Variants in PXMP4 observed in about 807,000 individuals in gnomAD.
PXMP4 encodes the protein 24 kDa peroxisomal intrinsic membrane protein.
PXMP4 carries 16 observed loss-of-function variants against 21.6 expected under a neutral mutation model. That is an observed-to-expected ratio of 0.74 (90% confidence interval 0.50 to 1.13). PXMP4 has a LOEUF of 1.13. Ranked by LOEUF, PXMP4 falls within the 50% of genes most tolerant of loss-of-function variation. The pLI is 0.00. For synonymous variants in PXMP4, 127 were observed against 123.8 expected, an observed-to-expected ratio of 1.03 and a Z score of -0.17; for missense variants, 240 against 277.7, an observed-to-expected ratio of 0.86 and a Z score of 0.96.
intron 2 of PXMP4, among the ~76,000 whole-genome samples, chr20:33,714,249 T>C (rs891344241): frequency 1.3e-5 from 2 of 152,038 alleles, no homozygotes; most frequent in African/African-American, 2.4e-5. Context: ...AGTTGGACTT[T>C]AGGGCCGGGC....
chr20:33,717,736 C>A (rs1250934445), intron 1 of PXMP4, among the ~76,000 whole-genome samples: 2 of 151,778 alleles, frequency 1.3e-5, no homozygotes, highest in Non-Finnish European at 1.5e-5. Context: ...CCCCACCCTT[C>A]CTTTCCCCTC....
chr20:33,714,765 T>A, intron 1 of PXMP4, 29 bp from the exon 2 acceptor site: 1 of 1,607,576 alleles, frequency 6.2e-7, no homozygotes, highest in Non-Finnish European at 8.5e-7. Flanking sequence ...ACAGTTACTA[T>A]AATGTCACTG....
intron 2 of PXMP4, among the ~76,000 whole-genome samples, chr20:33,711,040 CTTGT>C (rs1258856400): frequency 1.1e-4 from 17 of 152,198 alleles, no homozygotes; most frequent in African/African-American, 3.9e-4. Flanking sequence ...CATTTATGTG[CTTGT>C]TTATTATCTT....
At chr20:33,716,705 G>A (rs999874006) in intron 1 of PXMP4, among the ~76,000 whole-genome samples, 6 of 152,258 alleles carry the variant, frequency 3.9e-5, no homozygotes, top group Admixed American at 1.3e-4. Flanking sequence ...CATATAACAT[G>A]TGCTTGATAA....
intron 2 of PXMP4, among the ~76,000 whole-genome samples, chr20:33,711,446 G>A (rs1372656655): frequency 6.6e-6 from 1 of 152,152 alleles, no homozygotes; most frequent in African/African-American, 2.4e-5. Context: ...AAGCCACCGT[G>A]GCCATGGGCA....
At chr20:33,717,457 G>C (rs1265190598) in intron 1 of PXMP4, among the ~76,000 whole-genome samples, 2 of 150,588 alleles carry the variant, frequency 1.3e-5, no homozygotes, top group Non-Finnish European at 3.0e-5. Context: ...CGGCTAAAAC[G>C]GTGAAACCCC....
chr20:33,720,072 C>A, intron 1 of PXMP4, 23 bp downstream of exon 1: 1 of 1,609,172 alleles, frequency 6.2e-7, no homozygotes, highest in Non-Finnish European at 8.5e-7. Flanking sequence ...TCAGCCCCAG[C>A]CCGGCCCGAC....
intron 1 of PXMP4, among the ~76,000 whole-genome samples, chr20:33,717,964 G>A (rs1324801979): frequency 2.0e-5 from 3 of 152,036 alleles, no homozygotes; most frequent in African/African-American, 2.4e-5. Flanking sequence ...TGGCAGTTAC[G>A]CACATATAAA....
chr20:33,713,833 A>G (rs1334865441), intron 2 of PXMP4, among the ~76,000 whole-genome samples: 4 of 152,250 alleles, frequency 2.6e-5, no homozygotes, highest in African/African-American at 9.6e-5. Context: ...GCCTATATGC[A>G]TTAAACACTA....
chr20:33,707,547 C>G lies in PXMP4; in HGVS notation c.*159G>C. The G allele has an allele frequency of 9.4e-7, 1 of 1,060,912 alleles. No homozygotes were observed. The highest frequency in any genetic ancestry group is 1.3e-6 in the Non-Finnish European group (1 of 749,666). The allele number at this position is 1,060,912 out of a possible 1,614,324, so 65.7% of individuals were successfully genotyped here. A position where few individuals can be genotyped will look rare whatever the true frequency, so the allele number is the denominator to read the frequency against. ...CACTTGTGCCACCATACAAAGGTAC[C>G]CACTGGGATTTTAAAATCAGTGTTT... On this transcript the variant is annotated 3_prime_UTR_variant, in exon 4 of 4. Coordinates refer to ENST00000409299, the MANE Select transcript of PXMP4 (RefSeq NM_007238.5).
In PXMP4 at chr20:33,703,226, G is replaced by GGT. The variant is rs1380398919; in HGVS notation, c.*4478_*4479dup. On this transcript the variant is annotated 3_prime_UTR_variant, in exon 4 of 4. Transcript: ENST00000409299. Reference sequence around the variant, plus strand: ...TGGGGGCAGGACAGGCTAAAAGCAGGGTGTGCTCAGTCCTCAGGGGCACAC... The same window carrying GGT: ...TGGGGGCAGGACAGGCTAAAAGCAGGGTGTGTGCTCAGTCCTCAGGGGCACAC... The GGT allele has an allele frequency of 6.6e-6, 1 of 152,214 alleles. No individual in the cohort carries two copies. Among genetic ancestry groups the GGT allele is most frequent in the Non-Finnish European group, 1.5e-5 (1 of 68,062 alleles). The allele number at this position is 152,214 out of a possible 1,614,324, so 9.4% of individuals were successfully genotyped here.
intron 2 of PXMP4, among the ~76,000 whole-genome samples, chr20:33,713,031 G>C (rs935455393): frequency 6.6e-6 from 1 of 152,200 alleles, no homozygotes; most frequent in Non-Finnish European, 1.5e-5. Flanking sequence ...CAAAATGTTG[G>C]GATTATAGGC....
Position 33,707,821 on chromosome 20 carries a change from C to T in PXMP4, c.524G>A (p.Arg175Gln), listed in dbSNP as rs182672515. 5.0e-6 allele frequency: 8 copies of T among 1,614,160 alleles called. No individual in the cohort carries two copies. The highest frequency in any genetic ancestry group is 1.1e-5 in the South Asian group (1 of 91,076). Residue 175 changes from arginine to glutamine, a missense_variant, in exon 4 of 4, where the codon CGA (arginine) becomes CAA (glutamine). Arg to Gln is a conservative substitution (Grantham distance 43). Transcript: ENST00000409299. ...GLVLWLFEYH[R>Q]STLQPSLQSS... ...CTGCAGCGAGGGCTGCAGGGTGGAT[C>T]GGTGATACTCAAAGAGCCACAGCAC...
intron 1 of PXMP4, among the ~76,000 whole-genome samples, chr20:33,717,435 T>C (rs901492959): frequency 4.0e-5 from 6 of 150,716 alleles, no homozygotes; most frequent in Non-Finnish European, 5.9e-5. Flanking sequence ...GGTCAGGAGA[T>C]TGAGACCATC....
chr20:33,710,779 A>G (rs1175983526), intron 2 of PXMP4, 26 bp from the exon 3 acceptor site: 1 of 1,568,610 alleles, frequency 6.4e-7, no homozygotes, highest in Non-Finnish European at 8.7e-7. Flanking sequence ...TGCCCCTGCC[A>G]TGAGTGCAGG....
intron 2 of PXMP4, among the ~76,000 whole-genome samples, chr20:33,712,060 G>C (rs2018333063): frequency 6.6e-6 from 1 of 152,074 alleles, no homozygotes; most frequent in Non-Finnish European, 1.5e-5. Flanking sequence ...CCCAATTCAG[G>C]AATGGCAAAC....
Position 33,704,229 on chromosome 20 carries a change from T to C in PXMP4, c.*3477A>G, listed in dbSNP as rs1247121222. 6.3e-6 allele frequency: 1 copy of C among 159,118 alleles called. No individual in the cohort carries two copies. Among genetic ancestry groups the C allele is most frequent in the East Asian group, 1.8e-4 (1 of 5,452 alleles). The allele number at this position is 159,118 out of a possible 1,614,324, so 9.9% of individuals were successfully genotyped here. ...AGCCCTGAGTTTGTTTTCCAGCAAC[T>C]AGACAGTCCCATCAAGGCGTGACGG... On this transcript the variant is annotated 3_prime_UTR_variant, in exon 4 of 4. Coordinates refer to ENST00000409299, the MANE Select transcript of PXMP4 (RefSeq NM_007238.5).
At chr20:33,717,310 C>T (rs907124674) in intron 1 of PXMP4, among the ~76,000 whole-genome samples, 17 of 152,094 alleles carry the variant, frequency 1.1e-4, no homozygotes, top group African/African-American at 3.9e-4. Flanking sequence ...TCTAGACTTC[C>T]AGAATTATCT....
chr20:33,714,618 G>A (rs762736761), intron 2 of PXMP4, 56 bp downstream of exon 2: 66 of 1,541,556 alleles, frequency 4.3e-5, no homozygotes, highest in Non-Finnish European at 5.3e-5. Context: ...AAGCTATTAC[G>A]ACTGTCCTGG....
Sources: gnomAD v4.1 joint callset for allele counts (sites outside exome capture counted in the v4.1 genomes callset) on GRCh38, gnomAD v4.1.1 for gene constraint, MANE v1.5 for transcripts, NCBI Gene and HGNC (gene_info 2026-07-23, HGNC 2026-07-21) for gene names.